FHIP1A: variants seen among roughly 807,000 people sequenced by gnomAD.
The protein encoded by FHIP1A is FHF complex subunit HOOK interacting protein 1A.
A neutral mutation model predicts 88.6 loss-of-function variants in FHIP1A; 61 were observed. The observed-to-expected ratio is 0.69, with a 90% CI of 0.56 to 0.85. The LOEUF is 0.85. FHIP1A is among the 40% of genes least tolerant of loss of function. The pLI is 0.00. For synonymous variants in FHIP1A, 478 were observed against 496.0 expected (o/e 0.96, Z 0.48); for missense variants, 1,154 against 1,273.5 (o/e 0.91, Z 1.43).
At chr4:151,424,955 T>C (rs1021826363) in intron 1 of FHIP1A, among the ~76,000 whole-genome samples, 4 of 152,144 alleles carry the variant, frequency 2.6e-5, no homozygotes, top group Non-Finnish European at 5.9e-5. Context: ...AAATAATAGA[T>C]TTAGAGAATG....
At chr4:151,626,299 A>G (rs1210599686) in intron 7 of FHIP1A, among the ~76,000 whole-genome samples, 1 of 152,170 alleles carries the variant, frequency 6.6e-6, no homozygotes, top group Non-Finnish European at 1.5e-5. Flanking sequence ...AGCTTAAGGG[A>G]TTGGTGAAGA....
chr4:151,644,450 C>A (rs1267896647), intron 9 of FHIP1A, among the ~76,000 whole-genome samples: 2 of 152,146 alleles, frequency 1.3e-5, no homozygotes, highest in Non-Finnish European at 2.9e-5. Context: ...GTCCTGGGCT[C>A]AAGTGATCCT....
chr4:151,597,942 C>T (rs1317750019), intron 7 of FHIP1A, among the ~76,000 whole-genome samples: 1 of 152,168 alleles, frequency 6.6e-6, no homozygotes, highest in Non-Finnish European at 1.5e-5. Context: ...GAATTTCAAG[C>T]CAGTGGATCT....
intron 2 of FHIP1A, among the ~76,000 whole-genome samples, chr4:151,457,152 T>C (rs980478527): frequency 6.6e-6 from 1 of 152,172 alleles, no homozygotes; most frequent in Non-Finnish European, 1.5e-5. Context: ...ATTTTAACAG[T>C]TTTTTTCCCC....
Position 151,668,283 on chromosome 4 carries a change from A to G in FHIP1A, c.*5529A>G, listed in dbSNP as rs75085527. 5.2e-3 allele frequency among the ~76,000 whole-genome samples: 794 copies of G among 152,248 alleles called. 5 individuals carry two copies. Among genetic ancestry groups the G allele is most frequent in the African/African-American group, 0.019 (772 of 41,536 alleles). On this transcript the variant is annotated 3_prime_UTR_variant, in exon 14 of 14. Transcript: ENST00000435205. The stretch of plus-strand genomic sequence containing the variant: ...TGGTGGCTTTTCCCCAATAGTCACC[A>G]TGTGGAAACTATGCAACTAAATTCA...
chr4:151,637,607 T>G (rs1339241041), intron 8 of FHIP1A, among the ~76,000 whole-genome samples: 1 of 152,092 alleles, frequency 6.6e-6, no homozygotes, highest in African/African-American at 2.4e-5. Flanking sequence ...AAGGAAGTGT[T>G]GGATGGTAAT....
intron 1 of FHIP1A, 128 bp from the exon 2 acceptor site, chr4:151,454,573 A>G (rs1033753596): frequency 3.3e-5 from 5 of 152,198 alleles, no homozygotes; most frequent in Admixed American, 6.5e-5. Context: ...TTCCAGTCCA[A>G]TGAAGAAAAC....
At chr4:151,423,892 T>G (rs1363924781) in intron 1 of FHIP1A, among the ~76,000 whole-genome samples, 1 of 152,190 alleles carries the variant, frequency 6.6e-6, no homozygotes, top group Non-Finnish European at 1.5e-5. Context: ...GTGGTCAAAC[T>G]CTTCAAGAAC....
intron 3 of FHIP1A, among the ~76,000 whole-genome samples, chr4:151,540,462 A>G (rs1254420725): frequency 2.0e-5 from 3 of 152,228 alleles, no homozygotes; most frequent in Non-Finnish European, 4.4e-5. Context: ...ATACTTAAAT[A>G]TAAGTAAGTA....
At chr4:151,645,215 G>A (rs1736745492) in intron 9 of FHIP1A, among the ~76,000 whole-genome samples, 6 of 152,162 alleles carry the variant, frequency 3.9e-5, no homozygotes. Context: ...TGCCCATGGA[G>A]ACAGTAGGAG....
intron 1 of FHIP1A, among the ~76,000 whole-genome samples, chr4:151,431,182 G>T (rs577439799): frequency 6.6e-6 from 1 of 152,214 alleles, no homozygotes; most frequent in African/African-American, 2.4e-5. Flanking sequence ...CAGTGTTTGT[G>T]CAGGAGACTC....
chr4:151,599,104 G>A (rs1194636971), intron 7 of FHIP1A, among the ~76,000 whole-genome samples: 1 of 152,144 alleles, frequency 6.6e-6, no homozygotes, highest in Non-Finnish European at 1.5e-5. Context: ...GGACATATGG[G>A]AAAGGATAAA....
chr4:151,471,165 T>C (rs1164439521), intron 2 of FHIP1A, among the ~76,000 whole-genome samples: 2 of 152,102 alleles, frequency 1.3e-5, no homozygotes, highest in Non-Finnish European at 2.9e-5. Flanking sequence ...GTGGTGGTCT[T>C]TACATTTCTT....
chr4:151,433,670 CAA>C (rs1733684543), intron 1 of FHIP1A, among the ~76,000 whole-genome samples: 1 of 151,926 alleles, frequency 6.6e-6, no homozygotes, highest in Admixed American at 6.6e-5. Flanking sequence ...GGAACTTGCT[CAA>C]AGAGAGAAGG....
intron 2 of FHIP1A, among the ~76,000 whole-genome samples, chr4:151,468,250 A>G (rs959037475): frequency 3.6e-5 from 5 of 139,696 alleles, no homozygotes; most frequent in Admixed American, 8.0e-5. Context: ...GCGCCACTGC[A>G]CTCCAGCCTA....
At chr4:151,571,943 C>T (rs906530227) in intron 4 of FHIP1A, among the ~76,000 whole-genome samples, 10 of 152,234 alleles carry the variant, frequency 6.6e-5, no homozygotes, top group African/African-American at 2.4e-4. Context: ...TGCAGTGGCT[C>T]TTGCCTGTAA....
chr4:151,530,458 T>C (rs1448693974), intron 3 of FHIP1A, among the ~76,000 whole-genome samples: 2 of 152,224 alleles, frequency 1.3e-5, no homozygotes, highest in African/African-American at 4.8e-5. Flanking sequence ...TGAATCACTC[T>C]TTCCTCATGC....
At chr4:151,461,903 C>G (rs1255936688) in intron 2 of FHIP1A, among the ~76,000 whole-genome samples, 1 of 152,188 alleles carries the variant, frequency 6.6e-6, no homozygotes, top group African/African-American at 2.4e-5. Flanking sequence ...GTGGCTTACG[C>G]CTGTAATCCC....
At chr4:151,516,719 T>C (rs917479560) in intron 3 of FHIP1A, among the ~76,000 whole-genome samples, 9 of 152,248 alleles carry the variant, frequency 5.9e-5, no homozygotes, top group Non-Finnish European at 8.8e-5. Flanking sequence ...CATTACTGGC[T>C]ATCAGAGAAA....
Sources: allele counts gnomAD v4.1 joint callset (sites outside exome capture counted in the v4.1 genomes callset), GRCh38; gene constraint gnomAD v4.1.1; transcripts MANE v1.5; gene names NCBI Gene and HGNC (gene_info 2026-07-23, HGNC 2026-07-21).